The following WNT7B variants were observed in gnomAD, a reference collection of about 807,000 sequenced individuals.
WNT7B encodes protein Wnt-7b.
Under a neutral mutation model 38.2 loss-of-function variants are expected in WNT7B, and 19 were observed. The ratio of observed to expected loss-of-function variants is 0.50; its 90% CI spans 0.35 to 0.73. The LOEUF (loss-of-function observed/expected upper bound fraction) is 0.73. Among genes scored for constraint, WNT7B ranks in the 30% least tolerant of loss-of-function variants. The probability of loss-of-function intolerance (pLI) is 0.01; values close to 1 mark genes in which losing one functional copy is unlikely to be tolerated. For synonymous variants in WNT7B, 243 were observed against 209.3 expected, an observed-to-expected ratio of 1.16 and a Z score of -1.39; for missense variants, 423 against 507.9, an observed-to-expected ratio of 0.83 and a Z score of 1.61.
At chr22:45,945,687 G>A (rs967972495) in intron 2 of WNT7B, among the ~76,000 whole-genome samples, 8 of 152,198 alleles carry the variant, frequency 5.3e-5, no homozygotes, top group Non-Finnish European at 2.9e-5. Flanking sequence ...GGCGGCAGGT[G>A]CACCTGGCCC....
chr22:45,956,427 G>C (rs1320251508), intron 1 of WNT7B, among the ~76,000 whole-genome samples: 1 of 152,136 alleles, frequency 6.6e-6, no homozygotes, highest in African/African-American at 2.4e-5. Context: ...GCCTCCCCCG[G>C]GAGATCAGGG....
In WNT7B at chr22:45,931,475, T is replaced by G. The variant is rs1222112991; in HGVS notation, c.299-106A>C. Reference sequence around the variant, plus strand: ...ATCCACCTGCTGTTGGCTGGTTGTGTGACCCTGGGCTCATCGCTCGCCCCC... The same window carrying G: ...ATCCACCTGCTGTTGGCTGGTTGTGGGACCCTGGGCTCATCGCTCGCCCCC... On this transcript the variant is annotated intron_variant, in intron 2 of 3. Coordinates refer to ENST00000339464, the MANE Select transcript of WNT7B (RefSeq NM_058238.3). 48 of 1,344,700 alleles carry G rather than the reference T, an allele frequency of 3.6e-5. 1 individual carries two copies. Among genetic ancestry groups the G allele is most frequent in the Non-Finnish European group, 3.4e-5 (34 of 1,011,850 alleles). The allele number at this position is 1,344,700 out of a possible 1,614,324, so 83.3% of individuals were successfully genotyped here.
At chr22:45,963,470 C>T (rs1408933153) in intron 1 of WNT7B, among the ~76,000 whole-genome samples, 3 of 152,160 alleles carry the variant, frequency 2.0e-5, no homozygotes, top group African/African-American at 7.2e-5. Flanking sequence ...CTGAAGTGGC[C>T]CGAGGTCCTG....
At chr22:45,927,595 C>T (rs1397209914) in intron 3 of WNT7B, 2 of 993,762 alleles carry the variant, frequency 2.0e-6, no homozygotes, top group Non-Finnish European at 3.1e-6. Flanking sequence ...TGAGAGTGTC[C>T]ATATAAGAGA....
Position 45,951,957 on chromosome 22 carries a change from GC to G in WNT7B, c.72-1812del, listed in dbSNP as rs1931943316. On this transcript the variant is annotated intron_variant, in intron 1 of 3. Coordinates refer to ENST00000339464, the MANE Select transcript of WNT7B (RefSeq NM_058238.3). This position sits in a 1 kb window ranked among gnomAD's most constrained non-coding sequence, Gnocchi z 4.8. Reference sequence around the variant, plus strand: ...AGGACTTGCCGGACTGCCCTCCACAGCGGCTGCCCCAGTCATCTGGCTTTAA... The same window carrying G: ...AGGACTTGCCGGACTGCCCTCCACAGGGCTGCCCCAGTCATCTGGCTTTAA... Among the ~76,000 whole-genome samples the G allele has an allele frequency of 3.3e-5, 5 of 152,342 alleles. No individual in the cohort carries two copies. The South Asian group carries it at 1.0e-3, about 32-fold the overall frequency.
chr22:45,971,753 G>A (rs1274447620), intron 1 of WNT7B, among the ~76,000 whole-genome samples: 5 of 152,188 alleles, frequency 3.3e-5, no homozygotes, highest in African/African-American at 1.2e-4. Context: ...TCCCAAGTGT[G>A]GCATGGTATT....
intron 2 of WNT7B, among the ~76,000 whole-genome samples, chr22:45,943,050 G>A (rs999831859): frequency 1.3e-5 from 2 of 151,980 alleles, no homozygotes; most frequent in African/African-American, 2.4e-5. Context: ...TGTGCAGCAT[G>A]CATGTGTGTG....
intron 3 of WNT7B, among the ~76,000 whole-genome samples, chr22:45,928,414 G>T (rs1409179301): frequency 1.3e-5 from 2 of 152,226 alleles, no homozygotes; most frequent in African/African-American, 4.8e-5. Flanking sequence ...GGGGCAGTGA[G>T]GAGTTGGGGG....
Position 45,925,993 on chromosome 22 carries a change from T to C in WNT7B, c.571-2658A>G, listed in dbSNP as rs1175226932. On this transcript the variant is annotated intron_variant, in intron 3 of 3. Transcript: ENST00000339464. ...CCCTCCTCCCTCCCCTGTCCCTGTCTCCCGGTCTTCATCAAGGCCAGGGAA... is the reference window on the plus strand; with the variant it reads ...CCCTCCTCCCTCCCCTGTCCCTGTCCCCCGGTCTTCATCAAGGCCAGGGAA... The C allele has an allele frequency of 5.1e-6, 5 of 985,076 alleles. No individual in the cohort carries two copies. In the African/African-American group the frequency reaches 8.7e-5, roughly 17 times the overall value. 61.0% of individuals were successfully genotyped at this position (985,076 alleles called of 1,614,324 possible).
At chr22:45,942,888 TGCGTGTGTGTGCGC>T (rs1438861909) in intron 2 of WNT7B, among the ~76,000 whole-genome samples, 1 of 151,326 alleles carries the variant, frequency 6.6e-6, no homozygotes, top group Non-Finnish European at 1.5e-5. Flanking sequence ...TGCATGTATG[TGCGTGTGTGTGCGC>T]GCGTGTGTGC....
In WNT7B at chr22:45,931,383, C is replaced by A; in HGVS notation, c.299-14G>T. The A allele has an allele frequency of 6.4e-7, 1 of 1,574,330 alleles. No homozygotes were observed. The highest frequency in any genetic ancestry group is 8.6e-7 in the Non-Finnish European group (1 of 1,164,692). Reference sequence around the variant, plus strand: ...CCTCACGGCTCCCTGCGGGGACAGACAGGTGCAGAAGGTGAGACCCCAGGC... The same window carrying A: ...CCTCACGGCTCCCTGCGGGGACAGAAAGGTGCAGAAGGTGAGACCCCAGGC... On this transcript the variant is annotated splice_polypyrimidine_tract_variant and intron_variant, in intron 2 of 3. Coordinates refer to ENST00000339464, the MANE Select transcript of WNT7B (RefSeq NM_058238.3).
intron 2 of WNT7B, among the ~76,000 whole-genome samples, chr22:45,937,563 G>A (rs989087564): frequency 1.3e-5 from 2 of 151,334 alleles, no homozygotes; most frequent in African/African-American, 4.9e-5. Context: ...TGGGCAGCAG[G>A]TGTGCACCTC....
intron 3 of WNT7B, chr22:45,926,262 C>T (rs890264217): frequency 4.1e-6 from 4 of 985,288 alleles, no homozygotes; most frequent in African/African-American, 1.7e-5. Context: ...GCACTGAGAC[C>T]GGCCCCCTGC....
rs560339747 is a variant in WNT7B, at chr22:45,930,952, A to C, written c.570+146T>G. ...GGTGCTGGGAGGCTCAGAGCCATGCACGTGGAGGACCCAGACGGCCCCACC... is the reference window on the plus strand; with the variant it reads ...GGTGCTGGGAGGCTCAGAGCCATGCCCGTGGAGGACCCAGACGGCCCCACC... On this transcript the variant is annotated intron_variant, in intron 3 of 3. Coordinates refer to ENST00000339464, the MANE Select transcript of WNT7B (RefSeq NM_058238.3). 7.1e-5 allele frequency: 81 copies of C among 1,139,776 alleles called. No individual in the cohort carries two copies. The African/African-American group carries it at 1.0e-3, about 14-fold the overall frequency. 70.6% of individuals were successfully genotyped at this position (1,139,776 alleles called of 1,614,324 possible).
At position 45,925,358 on chromosome 22, in the gene WNT7B, G is replaced by GGAGACTGGA. The variant is rs1303330188; in HGVS notation, c.571-2032_571-2024dup. The GGAGACTGGA allele has an allele frequency of 9.1e-6, 9 of 984,984 alleles. No individual in the cohort carries two copies. The African/African-American group carries it at 1.6e-4, about 17-fold the overall frequency. 61.0% of individuals were successfully genotyped at this position (984,984 alleles called of 1,614,324 possible). On this transcript the variant is annotated intron_variant, in intron 3 of 3. Transcript: ENST00000339464. Reference sequence around the variant, plus strand: ...CTTGGACAAAGACTGGAGAGACTGGGGAGACTGGAGAGACTTGAGGGAGGT... The same window carrying GGAGACTGGA: ...CTTGGACAAAGACTGGAGAGACTGGGGAGACTGGAGAGACTGGAGAGACTTGAGGGAGGT...
intron 2 of WNT7B, among the ~76,000 whole-genome samples, chr22:45,947,449 C>A (rs1931823090): frequency 6.6e-6 from 1 of 152,234 alleles, no homozygotes; most frequent in South Asian, 2.1e-4. Context: ...TCTGCTGAGA[C>A]AACTGGCCGG....
intron 2 of WNT7B, among the ~76,000 whole-genome samples, chr22:45,945,834 G>A (rs888023852): frequency 2.0e-5 from 3 of 152,228 alleles, no homozygotes; most frequent in Admixed American, 6.5e-5. Context: ...CACTCCCCAC[G>A]CAGAGCTCGC....
At chr22:45,927,150 TGACCTGCC>T (rs1467176910) in intron 3 of WNT7B, 43 of 984,746 alleles carry the variant, frequency 4.4e-5, no homozygotes, top group Non-Finnish European at 5.2e-5. Context: ...TCTGCCCTGC[TGACCTGCC>T]TGCCCCACGT....
At chr22:45,953,071 G>A (rs566268779) in intron 1 of WNT7B, among the ~76,000 whole-genome samples, 23 of 152,308 alleles carry the variant, frequency 1.5e-4, no homozygotes, top group South Asian at 1.2e-3. Context: ...GGGGGAGCGC[G>A]GTGGGCACTG....
Sources: allele counts gnomAD v4.1 joint callset (sites outside exome capture counted in the v4.1 genomes callset), GRCh38; gene constraint gnomAD v4.1.1; non-coding constraint Gnocchi (gnomAD v3.1); transcripts MANE v1.5; gene names NCBI Gene and HGNC (gene_info 2026-07-23, HGNC 2026-07-21).